AEBP2: variants seen among roughly 807,000 people sequenced by gnomAD.
AEBP2 encodes the protein zinc finger protein AEBP2.
AEBP2 carries 10 observed loss-of-function variants against 50.8 expected under a neutral mutation model. That is an observed-to-expected ratio of 0.20 (90% CI 0.12 to 0.33). The LOEUF (loss-of-function observed/expected upper bound fraction) is 0.33. AEBP2 is among the 10% of genes least tolerant of loss of function. The probability of loss-of-function intolerance (pLI) is 1.00; values close to 1 mark genes in which losing one functional copy is unlikely to be tolerated. For missense variants in AEBP2, 570 were observed against 688.0 expected (o/e 0.83, Z 1.92); for synonymous variants, 296 against 261.3 (o/e 1.13, Z -1.28).
chr12:19,519,686 T>G lies in AEBP2; in HGVS notation c.*1569T>G, dbSNP rs1949371270. 6.6e-6 allele frequency: 1 copy of G among 152,552 alleles called. No homozygotes were observed. The highest frequency in any genetic ancestry group is 2.4e-5 in the African/African-American group (1 of 41,462). The allele number at this position is 152,552 out of a possible 1,614,324, so 9.4% of individuals were successfully genotyped here. On this transcript the variant is annotated 3_prime_UTR_variant, in exon 8 of 8. Coordinates refer to ENST00000266508, the MANE Select transcript of AEBP2 (RefSeq NM_153207.5). ...TTTAAAGAAATATTAGACAAAAATA[T>G]AGAATTAAAACCTTTGGTTCCAAAA...
chr12:19,455,160 A>T (rs1676428644), intron 1 of AEBP2, among the ~76,000 whole-genome samples: 1 of 145,648 alleles, frequency 6.9e-6, no homozygotes, highest in Non-Finnish European at 1.5e-5. Context: ...TGCCCAGCTA[A>T]TTTTTTTTTT....
intron 2 of AEBP2, among the ~76,000 whole-genome samples, chr12:19,462,921 T>C (rs1164911660): frequency 6.6e-6 from 1 of 152,220 alleles, no homozygotes; most frequent in Non-Finnish European, 1.5e-5. Flanking sequence ...TTAGTTTGTT[T>C]TTAGATACGT....
At chr12:19,475,194 TGTACCC>T (rs1948630067) in intron 3 of AEBP2, among the ~76,000 whole-genome samples, 1 of 130,974 alleles carries the variant, frequency 7.6e-6, no homozygotes, top group Admixed American at 7.9e-5. Context: ...CACTGTACAC[TGTACCC>T]ACTGTGTAGT....
Position 19,440,080 on chromosome 12 carries a change from C to T in AEBP2, c.381C>T (p.Gly127=). The change falls in exon 1 of 8, where the codon GGC becomes GGT. Residue 127 remains glycine, a synonymous_variant. Transcript: ENST00000266508. The part of the protein sequence containing the change: ...EEESSAESLV[G]SSGGSSSDET... ...AGAGTAGCGCCGAGAGCCTGGTGGG[C>T]AGCAGCGGCGGGAGCAGCAGCGACG... 1.3e-6 allele frequency: 2 copies of T among 1,512,090 alleles called. No individual in the cohort carries two copies. Among genetic ancestry groups the T allele is most frequent in the South Asian group, 1.2e-5 (1 of 82,412 alleles). 93.7% of individuals were successfully genotyped at this position (1,512,090 alleles called of 1,614,324 possible). A position where few individuals can be genotyped will look rare whatever the true frequency, so the allele number is the denominator to read the frequency against.
At chr12:19,451,576 G>A (rs761865868) in intron 1 of AEBP2, among the ~76,000 whole-genome samples, 2 of 152,152 alleles carry the variant, frequency 1.3e-5, no homozygotes, top group African/African-American at 4.8e-5. Context: ...CACTTCTGCA[G>A]TAGTCTCAGG....
intron 1 of AEBP2, chr12:19,456,301 C>T (rs1418147283): frequency 6.6e-7 from 1 of 1,511,218 alleles, no homozygotes; most frequent in Non-Finnish European, 9.1e-7. Flanking sequence ...GCTCCAGCAG[C>T]CTTCTTGTTC....
intron 1 of AEBP2, chr12:19,419,122 T>G (rs2095744190): frequency 6.3e-6 from 1 of 158,836 alleles, no homozygotes; most frequent in Non-Finnish European, 1.4e-5. Context: ...AGGGTGATAT[T>G]GTTGGTCAGA....
At chr12:19,435,926 G>A (rs1000832705), upstream of AEBP2, among the ~76,000 whole-genome samples, 3 of 152,106 alleles carry the variant, frequency 2.0e-5, no homozygotes. Flanking sequence ...GAGTACTTTT[G>A]TCAGAGGTGT....
intron 1 of AEBP2, among the ~76,000 whole-genome samples, chr12:19,453,566 G>GGCACGCACA (rs1048021864): frequency 6.6e-6 from 1 of 152,060 alleles, no homozygotes; most frequent in Non-Finnish European, 1.5e-5. Context: ...TGGGATTACA[G>GGCACGCACA]GCACGCGACA....
intron 1 of AEBP2, among the ~76,000 whole-genome samples, chr12:19,431,787 T>C (rs2095751568): frequency 6.6e-6 from 1 of 152,236 alleles, no homozygotes; most frequent in African/African-American, 2.4e-5. Context: ...ATGTTATCTC[T>C]TTTTATGCAT....
intron 4 of AEBP2, among the ~76,000 whole-genome samples, chr12:19,498,250 A>G (rs1333773921): frequency 6.6e-6 from 1 of 152,180 alleles, no homozygotes; most frequent in African/African-American, 2.4e-5. Context: ...TCGAGTAGCC[A>G]CTTATCTAAC....
At chr12:19,505,325 C>G (rs11044627) in intron 5 of AEBP2, among the ~76,000 whole-genome samples, 3 of 152,218 alleles carry the variant, frequency 2.0e-5, no homozygotes, top group African/African-American at 7.2e-5. Context: ...ACTTATTAAA[C>G]TGTTTTAAAT....
At chr12:19,461,826 G>A (rs1056388226) in intron 1 of AEBP2, among the ~76,000 whole-genome samples, 3 of 151,994 alleles carry the variant, frequency 2.0e-5, no homozygotes, top group Non-Finnish European at 4.4e-5. Flanking sequence ...TAATACTTTA[G>A]TAAATAAAAA....
rs938383868 is a variant in AEBP2 at position 19,439,496 on chromosome 12, T to C, written c.-204T>C. On this transcript the variant is annotated 5_prime_UTR_variant, in exon 1 of 8. Coordinates refer to ENST00000266508, the MANE Select transcript of AEBP2 (RefSeq NM_153207.5). ...GCCGCCGCGCAGGCGCGCAGCAGTCTCCGTGTGAGTGCGCGTAGTCGCGCG... is the reference window on the plus strand; with the variant it reads ...GCCGCCGCGCAGGCGCGCAGCAGTCCCCGTGTGAGTGCGCGTAGTCGCGCG... Among the ~76,000 whole-genome samples, 1 of 151,776 alleles carries C rather than the reference T, an allele frequency of 6.6e-6. No homozygotes were observed. The highest frequency in any genetic ancestry group is 2.4e-5 in the African/African-American group (1 of 41,362).
chr12:19,510,054 A>C (rs1449804999), intron 5 of AEBP2, among the ~76,000 whole-genome samples: 1 of 152,110 alleles, frequency 6.6e-6, no homozygotes. Context: ...GCTGGTCACA[A>C]ACTTCTAACC....
intron 2 of AEBP2, among the ~76,000 whole-genome samples, chr12:19,473,034 T>C (rs1948593749): frequency 6.6e-6 from 1 of 152,136 alleles, no homozygotes; most frequent in Non-Finnish European, 1.5e-5. Flanking sequence ...GATCGGTGTG[T>C]TAATTCCTTA....
intron 1 of AEBP2, chr12:19,457,086 G>A (rs1948282312): frequency 6.2e-7 from 1 of 1,604,336 alleles, no homozygotes; most frequent in Non-Finnish European, 8.5e-7. Flanking sequence ...TGTCGGGGTT[G>A]TAGCCAATTT....
At chr12:19,410,690 T>C (rs1031364723) in intron 1 of AEBP2, among the ~76,000 whole-genome samples, 3 of 152,186 alleles carry the variant, frequency 2.0e-5, no homozygotes, top group Non-Finnish European at 4.4e-5. Context: ...CAGTAATTAT[T>C]TGTTGAGTAA....
At chr12:19,446,130 AT>A (rs1948060390) in intron 1 of AEBP2, 1 of 152,186 alleles carries the variant, frequency 6.6e-6, no homozygotes, top group South Asian at 2.1e-4. Context: ...TGATTAATTT[AT>A]TTTTGCGATG....
Sources: allele counts gnomAD v4.1 joint callset (sites outside exome capture counted in the v4.1 genomes callset), GRCh38; gene constraint gnomAD v4.1.1; transcripts MANE v1.5; gene names NCBI Gene and HGNC (gene_info 2026-07-23, HGNC 2026-07-21).